Variants in GNAO1 observed in about 807,000 individuals in gnomAD.
The protein encoded by GNAO1 is G protein subunit alpha o1.
For synonymous variants in GNAO1, 164 were observed against 180.7 expected, an observed-to-expected ratio of 0.91 and a Z score of 0.74; for missense variants, 166 against 478.7, an observed-to-expected ratio of 0.35 and a Z score of 6.10.
chr16:56,259,809 G>A (rs149786958), intron 2 of GNAO1, among the ~76,000 whole-genome samples: 4 of 152,268 alleles, frequency 2.6e-5, no homozygotes, highest in Middle Eastern at 3.4e-3. Flanking sequence ...TCTGATTGTT[G>A]GGACCCCTTC....
chr16:56,227,038 G>T (rs866719494), intron 2 of GNAO1, among the ~76,000 whole-genome samples: 1 of 152,200 alleles, frequency 6.6e-6, no homozygotes, highest in Non-Finnish European at 1.5e-5. Context: ...GATGTGTTGT[G>T]TGGTTTTGTT....
intron 8 of GNAO1, chr16:56,355,721 T>C (rs552349414): frequency 6.6e-6 from 1 of 152,258 alleles, no homozygotes; most frequent in Non-Finnish European, 1.5e-5. Flanking sequence ...TCTTTATTCA[T>C]GTTAAGATGG....
At chr16:56,256,714 CTCTCTGTGTGTGTGTGTGTG>C (rs1440719538) in intron 2 of GNAO1, among the ~76,000 whole-genome samples, 25 of 123,396 alleles carry the variant, frequency 2.0e-4, no homozygotes, top group Non-Finnish European at 3.3e-4. Flanking sequence ...CTCTCTCTCT[CTCTCTGTGTGTGTGTGTGTG>C]TGTGTGTGTG....
chr16:56,262,920 C>T (rs561584486), intron 2 of GNAO1, among the ~76,000 whole-genome samples: 2 of 152,336 alleles, frequency 1.3e-5, no homozygotes, highest in South Asian at 4.1e-4. Flanking sequence ...CATGTCTCTG[C>T]AACATAACCA....
rs1047297296 is a variant in GNAO1, at chr16:56,305,140, C to T, written c.304-23491C>T. 1.2e-4 allele frequency among the ~76,000 whole-genome samples: 18 copies of T among 152,302 alleles called. No individual in the cohort carries two copies. The East Asian group carries it at 1.4e-3, about 11-fold the overall frequency. On this transcript the variant is annotated intron_variant, in intron 3 of 8. Coordinates refer to ENST00000262493, the MANE Select transcript of GNAO1 (RefSeq NM_020988.3). ...TCCTGACCCCACTTTCAGCTCACCC[C>T]GCCAGACCTTGCAAGGATGAGGAGA...
intron 6 of GNAO1, among the ~76,000 whole-genome samples, chr16:56,340,143 T>TA (rs1372870910): frequency 6.6e-6 from 1 of 152,208 alleles, no homozygotes; most frequent in Non-Finnish European, 1.5e-5. Flanking sequence ...GTTGGGTTTT[T>TA]ATCTTCTCTG....
At chr16:56,236,556 G>A (rs2036638689) in intron 2 of GNAO1, among the ~76,000 whole-genome samples, 1 of 152,016 alleles carries the variant, frequency 6.6e-6, no homozygotes, top group Non-Finnish European at 1.5e-5. Context: ...GAGAGACGAA[G>A]TACCAGTCTT....
chr16:56,212,481 C>T (rs2036398901), intron 2 of GNAO1, among the ~76,000 whole-genome samples: 1 of 152,218 alleles, frequency 6.6e-6, no homozygotes, highest in Non-Finnish European at 1.5e-5. Flanking sequence ...AGTGGTCCCA[C>T]CTCAAGCATT....
rs569050988 is a variant in GNAO1, at chr16:56,311,199, T to G, written c.304-17432T>G. 1.2e-4 allele frequency among the ~76,000 whole-genome samples: 17 copies of G among 137,410 alleles called. No homozygotes were observed. In the East Asian group the frequency reaches 2.0e-3, roughly 16 times the overall value. The allele number at this position is 137,410 out of a possible 152,430, so 90.1% of individuals were successfully genotyped here. A position where few individuals can be genotyped will look rare whatever the true frequency, so the allele number is the denominator to read the frequency against. On this transcript the variant is annotated intron_variant, in intron 3 of 8. Coordinates refer to ENST00000262493, the MANE Select transcript of GNAO1 (RefSeq NM_020988.3). This position sits in a 1 kb window ranked among gnomAD's most constrained non-coding sequence, Gnocchi z 5.2. Reference sequence around the variant, plus strand: ...GGGGTGGAGATGGGGGAGAGAGGCATGGAAGGGGGTAAGAGGAGTGACAGG... The same window carrying G: ...GGGGTGGAGATGGGGGAGAGAGGCAGGGAAGGGGGTAAGAGGAGTGACAGG...
chr16:56,286,094 C>T (rs1198103289), intron 3 of GNAO1, among the ~76,000 whole-genome samples: 3 of 152,178 alleles, frequency 2.0e-5, no homozygotes, highest in Non-Finnish European at 4.4e-5. Context: ...GTGGTATCTG[C>T]CCCTGCCCTG....
intron 2 of GNAO1, among the ~76,000 whole-genome samples, chr16:56,263,392 T>C (rs1336639186): frequency 6.6e-6 from 1 of 152,210 alleles, no homozygotes; most frequent in Non-Finnish European, 1.5e-5. Flanking sequence ...CACTACAGTC[T>C]GTGAACTCAG....
intron 2 of GNAO1, among the ~76,000 whole-genome samples, chr16:56,238,523 C>T (rs75810835): frequency 0.012 from 1,835 of 152,338 alleles, 44 homozygotes; most frequent in African/African-American, 0.042. Flanking sequence ...ATAATGTCAA[C>T]ATAGTGGTGG....
intron 3 of GNAO1, among the ~76,000 whole-genome samples, chr16:56,309,700 T>G (rs560792773): frequency 6.6e-6 from 1 of 152,162 alleles, no homozygotes; most frequent in Non-Finnish European, 1.5e-5. Flanking sequence ...AAGTGACCTG[T>G]TTCCAGTCCC....
chr16:56,313,302 TG>T (rs1366519559), intron 3 of GNAO1, among the ~76,000 whole-genome samples: 8 of 151,782 alleles, frequency 5.3e-5, no homozygotes, highest in African/African-American at 1.9e-4. Context: ...GTAAGCATTT[TG>T]TTTATGTAGG....
chr16:56,214,062 C>G (rs1268336222), intron 2 of GNAO1, among the ~76,000 whole-genome samples: 1 of 151,976 alleles, frequency 6.6e-6, no homozygotes, highest in South Asian at 2.1e-4. Context: ...GGGAAGGATC[C>G]CTTCCATGAA....
At chr16:56,274,234 C>T (rs1036130878) in intron 2 of GNAO1, among the ~76,000 whole-genome samples, 6 of 152,188 alleles carry the variant, frequency 3.9e-5, no homozygotes, top group African/African-American at 1.4e-4. Flanking sequence ...CCTGCACTGT[C>T]TATTCTCCAG....
At position 56,274,085 on chromosome 16, in the gene GNAO1, T is replaced by G. The variant is rs2037040897; in HGVS notation, c.162-1846T>G. 2.0e-5 allele frequency among the ~76,000 whole-genome samples: 3 copies of G among 152,164 alleles called. No homozygotes were observed. The South Asian group carries it at 6.2e-4, about 31-fold the overall frequency. On this transcript the variant is annotated intron_variant, in intron 2 of 8. Transcript: ENST00000262493. ...CTACCTCAGCTTTCCTGAACTCACT[T>G]TTTCTCTTCAGCTCAGTGAAATGGC...
At chr16:56,334,284 G>A (rs1023152330) in intron 4 of GNAO1, among the ~76,000 whole-genome samples, 10 of 152,204 alleles carry the variant, frequency 6.6e-5, no homozygotes, top group African/African-American at 1.7e-4. Flanking sequence ...CCAAGGGTCC[G>A]GGTCACAGCC....
chr16:56,221,589 G>A (rs960824655), intron 2 of GNAO1, among the ~76,000 whole-genome samples: 4 of 147,786 alleles, frequency 2.7e-5, no homozygotes, highest in Admixed American at 1.4e-4. Flanking sequence ...GGCAGAGGTT[G>A]CAGTGAGCCG....
Sources: allele counts gnomAD v4.1 joint callset (sites outside exome capture counted in the v4.1 genomes callset), GRCh38; gene constraint gnomAD v4.1.1; non-coding constraint Gnocchi (gnomAD v3.1); transcripts MANE v1.5; gene names NCBI Gene and HGNC (gene_info 2026-07-23, HGNC 2026-07-21).